The following VPS9D1 variants were observed in gnomAD, a reference collection of about 807,000 sequenced individuals.
The protein encoded by VPS9D1 is VPS9 domain-containing protein 1.
VPS9D1 carries 78 observed loss-of-function variants against 75.8 expected under a neutral mutation model. The ratio of observed to expected loss-of-function variants is 1.03; its 90% CI spans 0.86 to 1.24. VPS9D1 has a LOEUF of 1.24. Ranked by LOEUF, VPS9D1 falls within the 50% of genes most tolerant of loss-of-function variation. The probability of loss-of-function intolerance (pLI) is 0.00; values close to 1 mark genes in which losing one functional copy is unlikely to be tolerated. For synonymous variants in VPS9D1, 481 were observed against 385.6 expected (o/e 1.25, Z -2.90); for missense variants, 1,057 against 847.7 (o/e 1.25, Z -3.07).
At chr16:89,712,829 A>G in intron 4 of VPS9D1, 113 bp from the exon 5 acceptor site, 1 of 919,104 alleles carries the variant, frequency 1.1e-6, no homozygotes, top group Non-Finnish European at 1.6e-6. Context: ...GTGAGGAGAA[A>G]GAGGAGGGGA....
Position 89,720,756 on chromosome 16 carries a change from G to A in VPS9D1, c.99+7C>T. On this transcript the variant is annotated splice_region_variant and intron_variant, in intron 1 of 14. Coordinates refer to ENST00000389386, the MANE Select transcript of VPS9D1 (RefSeq NM_004913.3). The stretch of plus-strand genomic sequence containing the variant: ...AGCGGCCAAGCCCCGCCCCCGCCCC[G>A]CCTCACCCGGGGCCGGTTGCCGGTG... 6.9e-7 allele frequency: 1 copy of A among 1,443,874 alleles called. No individual in the cohort carries two copies. Among genetic ancestry groups the A allele is most frequent in the East Asian group, 3.1e-5 (1 of 31,954 alleles). The allele number at this position is 1,443,874 out of a possible 1,614,324, so 89.4% of individuals were successfully genotyped here.
At chr16:89,709,929 C>A (rs370634420) in intron 10 of VPS9D1, 23 bp from the exon 11 acceptor site, 1 of 1,581,190 alleles carries the variant, frequency 6.3e-7, no homozygotes, top group Non-Finnish European at 8.6e-7. Flanking sequence ...GAGCCGGGGA[C>A]GTCCACAGAG....
Position 89,707,879 on chromosome 16 carries a change from C to A in VPS9D1, c.1878G>T (p.Arg626=). ...SALSYVELLP[R]GGLAK is the part of the protein sequence containing the mutation. The stretch of plus-strand genomic sequence containing the variant: ...AGCTGTACTACTTGGCCAGGCCTCC[C>A]CGGGGCAGCAGCTCCACGTAGCTCA... The change falls in exon 15 of 15, where the codon CGG becomes CGT. Residue 626 remains arginine, a synonymous_variant. Coordinates refer to ENST00000389386, the MANE Select transcript of VPS9D1 (RefSeq NM_004913.3). 6.2e-7 allele frequency: 1 copy of A among 1,613,132 alleles called. No homozygotes were observed. The highest frequency in any genetic ancestry group is 1.3e-5 in the African/African-American group (1 of 75,044).
intron 1 of VPS9D1, chr16:89,719,514 T>G: frequency 2.7e-6 from 1 of 366,340 alleles, no homozygotes; most frequent in Non-Finnish European, 5.4e-6. Context: ...ATTCATTCAG[T>G]GGCTTAAAAA....
Position 89,710,598 on chromosome 16 carries a change from G to A in VPS9D1, c.1246C>T (p.His416Tyr). ...QQLKTAVEEI[H>Y]NAVDRLLSLT... Reference sequence around the variant, plus strand: ...GGCCTGGCCTCACCTACGGCATTGTGGATCTCCTCCACCGCGGTCTTCAGC... The same window carrying A: ...GGCCTGGCCTCACCTACGGCATTGTAGATCTCCTCCACCGCGGTCTTCAGC... Residue 416 changes from histidine (H) to tyrosine (Y), a missense_variant, in exon 10 of 15, where the codon CAC (histidine) becomes TAC (tyrosine). Physicochemically the swap from His to Tyr is moderately conservative, Grantham distance 83. Transcript: ENST00000389386. The A allele has an allele frequency of 6.3e-7, 1 of 1,598,518 alleles. No homozygotes were observed. Among genetic ancestry groups the A allele is most frequent in the Non-Finnish European group, 8.6e-7 (1 of 1,168,450 alleles).
intron 2 of VPS9D1, among the ~76,000 whole-genome samples, chr16:89,718,433 G>A (rs568887064): frequency 6.6e-6 from 1 of 152,256 alleles, no homozygotes; most frequent in South Asian, 2.1e-4. Flanking sequence ...CCTATTTCAG[G>A]GCCTTTGCAC....
At chr16:89,720,682 G>C (rs972556046) in intron 1 of VPS9D1, 81 bp downstream of exon 1, 9 of 1,289,332 alleles carry the variant, frequency 7.0e-6, no homozygotes, top group African/African-American at 4.7e-5. Flanking sequence ...GCCCGAGCCG[G>C]CCCCGTCCTC....
chr16:89,709,896 G>C lies in VPS9D1; in HGVS notation c.1269C>G (p.Leu423=). The change falls in exon 11 of 15, where the codon CTC becomes CTG. Residue 423 remains leucine (L), a synonymous_variant. Transcript: ENST00000389386. Reference sequence around the variant, plus strand: ...CTTCGAAGGCCAGAAGGGTCAGCGAGAGCAGCCTGTCTGCTAGGAACAGAG... The same window carrying C: ...CTTCGAAGGCCAGAAGGGTCAGCGACAGCAGCCTGTCTGCTAGGAACAGAG... ...EEIHNAVDRL[L]SLTLLAFEGL... is the part of the protein sequence containing the mutation. 6.2e-7 allele frequency: 1 copy of C among 1,609,770 alleles called. No homozygotes were observed. Among genetic ancestry groups the C allele is most frequent in the Non-Finnish European group, 8.5e-7 (1 of 1,177,814 alleles).
chr16:89,710,340 C>G (rs1179221408), intron 10 of VPS9D1, among the ~76,000 whole-genome samples: 2 of 152,128 alleles, frequency 1.3e-5, no homozygotes, highest in Non-Finnish European at 2.9e-5. Flanking sequence ...AATCCCAGCA[C>G]TTTGGGAGGC....
At chr16:89,719,435 A>AG (rs1817191452) in intron 1 of VPS9D1, 5 of 472,948 alleles carry the variant, frequency 1.1e-5, no homozygotes, top group Non-Finnish European at 1.7e-5. Context: ...GGCCTGGGGA[A>AG]GTGACCTCAG....
chr16:89,713,018 C>T (rs988063825), intron 4 of VPS9D1: 1 of 211,212 alleles, frequency 4.7e-6, no homozygotes, highest in African/African-American at 2.3e-5. Flanking sequence ...AACTCTGTCT[C>T]TACTAAAAAT....
At position 89,714,816 on chromosome 16, in the gene VPS9D1, C is replaced by T. The variant is rs2061023483; in HGVS notation, c.431+1646G>A. On this transcript the variant is annotated intron_variant, in intron 4 of 14. Transcript: ENST00000389386. ...GTGGCACGATCTTGGCTCACTGCAA[C>T]CTCCACCTCCTGGGTTCAAGCGATT... is the stretch of plus-strand genomic sequence containing the variant. Among the ~76,000 whole-genome samples the T allele has an allele frequency of 1.3e-5, 2 of 152,116 alleles. 1 individual carries two copies.
intron 14 of VPS9D1, 55 bp from the exon 15 acceptor site, chr16:89,708,009 C>A: frequency 1.3e-6 from 2 of 1,546,490 alleles, no homozygotes; most frequent in East Asian, 2.3e-5. Flanking sequence ...AGGATACCCC[C>A]GGCCCTCCAG....
rs1444867377 is a variant in VPS9D1, at chr16:89,716,436, C to T, written c.431+26G>A. 5 of 1,613,164 alleles carry T rather than the reference C, an allele frequency of 3.1e-6. No homozygotes were observed. In the African/African-American group the frequency reaches 4.0e-5, roughly 13 times the overall value. On this transcript the variant is annotated intron_variant, in intron 4 of 14. Coordinates refer to ENST00000389386, the MANE Select transcript of VPS9D1 (RefSeq NM_004913.3). ...CTCAAAAACCCAATCCCAGGCTCATCCCACCTCCCATCTTGTCCATCTTAC... is the reference window on the plus strand; with the variant it reads ...CTCAAAAACCCAATCCCAGGCTCATTCCACCTCCCATCTTGTCCATCTTAC...
chr16:89,711,043 G>C, intron 9 of VPS9D1, 33 bp from the exon 10 acceptor site: 4 of 1,432,824 alleles, frequency 2.8e-6, no homozygotes, highest in South Asian at 1.5e-5. Context: ...AACGCGGCCA[G>C]CCTCGGCCTC....
At chr16:89,716,967 C>T (rs1245489513) in intron 2 of VPS9D1, 145 bp from the exon 3 acceptor site, 14 of 638,580 alleles carry the variant, frequency 2.2e-5, no homozygotes, top group Admixed American at 8.1e-5. Context: ...ACTGCCCCCC[C>T]ATCCCCTCAC....
Position 89,710,588 on chromosome 16 carries a change from A to G in VPS9D1, c.1256T>C (p.Val419Ala), listed in dbSNP as rs1050716736. 2 of 1,594,574 alleles carry G rather than the reference A, an allele frequency of 1.3e-6. No homozygotes were observed. Among genetic ancestry groups the G allele is most frequent in the African/African-American group, 2.7e-5 (2 of 74,560 alleles). ...KTAVEEIHNAVDRLLSLTLLA... is the reference protein window; with the variant it reads ...KTAVEEIHNAADRLLSLTLLA... ...TCCCAGGGAGGGCCTGGCCTCACCT[A>G]CGGCATTGTGGATCTCCTCCACCGC... is the stretch of plus-strand genomic sequence containing the variant. The change falls in exon 10 of 15, where the codon GTA becomes GCA. Residue 419 changes from valine to alanine, a missense_variant and splice_region_variant. Coordinates refer to ENST00000389386, the MANE Select transcript of VPS9D1 (RefSeq NM_004913.3).
In VPS9D1 at chr16:89,707,728, A is replaced by G. The variant is rs367685915; in HGVS notation, c.*133T>C. ...AGAGCTGGAGAGCACACCACAGTGG[A>G]CAAGCCCCCACCATGTGCAGAGCAG... On this transcript the variant is annotated 3_prime_UTR_variant, in exon 15 of 15. Transcript: ENST00000389386. 2 of 749,512 alleles carry G rather than the reference A, an allele frequency of 2.7e-6. No homozygotes were observed. Among genetic ancestry groups the G allele is most frequent in the South Asian group, 3.5e-5 (2 of 57,222 alleles). The allele number at this position is 749,512 out of a possible 1,614,324, so 46.4% of individuals were successfully genotyped here. A position where few individuals can be genotyped will look rare whatever the true frequency, so the allele number is the denominator to read the frequency against.
chr16:89,711,434 A>G, intron 8 of VPS9D1, 22 bp from the exon 9 acceptor site: 1 of 1,589,652 alleles, frequency 6.3e-7, no homozygotes, highest in Non-Finnish European at 8.6e-7. Flanking sequence ...GGGGCCTTGA[A>G]GGAAAGCACG....
Sources: gnomAD v4.1 joint callset for allele counts (sites outside exome capture counted in the v4.1 genomes callset) on GRCh38, gnomAD v4.1.1 for gene constraint, MANE v1.5 for transcripts, NCBI Gene and HGNC (gene_info 2026-07-23, HGNC 2026-07-21) for gene names.